ATF7: variants seen among roughly 807,000 people sequenced by gnomAD.
The protein encoded by ATF7 is cyclic AMP-dependent transcription factor ATF-7.
In ATF7, 10 loss-of-function variants were observed where a neutral mutation model predicts 50.4. The observed-to-expected ratio is 0.20, with a 90% CI of 0.12 to 0.34. The LOEUF (loss-of-function observed/expected upper bound fraction) is 0.34. ATF7 is among the 10% of genes least tolerant of loss of function. ATF7 has a pLI of 1.00. For missense variants in ATF7, 465 were observed against 613.9 expected, an observed-to-expected ratio of 0.76 and a Z score of 2.56; for synonymous variants, 201 against 226.4, an observed-to-expected ratio of 0.89 and a Z score of 1.01.
At chr12:53,527,112 T>C (rs555961596) in intron 9 of ATF7, among the ~76,000 whole-genome samples, 37 of 151,784 alleles carry the variant, frequency 2.4e-4, no homozygotes, top group Admixed American at 1.9e-3. Flanking sequence ...TGAGCCGAGA[T>C]TGCGCCACTG....
chr12:53,623,648 A>G (rs1944490639), intron 1 of ATF7, among the ~76,000 whole-genome samples: 1 of 152,170 alleles, frequency 6.6e-6, no homozygotes, highest in Non-Finnish European at 1.5e-5. Flanking sequence ...TGCAAGGAGA[A>G]GGCTCCTCCT....
chr12:53,530,304 G>A (rs963183558), intron 9 of ATF7, among the ~76,000 whole-genome samples: 29 of 152,182 alleles, frequency 1.9e-4, no homozygotes, highest in African/African-American at 7.0e-4. Flanking sequence ...TGATGAAGCA[G>A]GTGGTGACAT....
intron 1 of ATF7, among the ~76,000 whole-genome samples, chr12:53,607,160 C>A (rs1943652044): frequency 6.6e-6 from 1 of 152,158 alleles, no homozygotes; most frequent in African/African-American, 2.4e-5. Flanking sequence ...AATGGTTGAA[C>A]TAGTTTACAG....
At chr12:53,568,551 G>A (rs1421099253) in intron 2 of ATF7, among the ~76,000 whole-genome samples, 1 of 152,126 alleles carries the variant, frequency 6.6e-6, no homozygotes, top group African/African-American at 2.4e-5. Context: ...TAAAGAAATA[G>A]GCAACGATAA....
intron 6 of ATF7, among the ~76,000 whole-genome samples, chr12:53,533,572 T>C (rs992790295): frequency 6.6e-6 from 1 of 152,210 alleles, no homozygotes; most frequent in African/African-American, 2.4e-5. Flanking sequence ...AAGGGGAAGT[T>C]GGATCAAAGT....
At chr12:53,545,778 G>A (rs541582253) in intron 3 of ATF7, among the ~76,000 whole-genome samples, 59 of 152,304 alleles carry the variant, frequency 3.9e-4, no homozygotes, top group African/African-American at 1.3e-3. Flanking sequence ...CTCTTAGGCT[G>A]GGGCAGTGGC....
At chr12:53,620,305 G>A (rs563661611) in intron 1 of ATF7, among the ~76,000 whole-genome samples, 5 of 152,090 alleles carry the variant, frequency 3.3e-5, no homozygotes, top group Admixed American at 6.6e-5. Context: ...GGCCGGGCGC[G>A]GTGGCTCACG....
chr12:53,589,924 TTTTTTA>T (rs1365527706), intron 2 of ATF7, among the ~76,000 whole-genome samples: 12 of 152,316 alleles, frequency 7.9e-5, no homozygotes, highest in Middle Eastern at 3.4e-3. Context: ...AGTAGTTTCT[TTTTTTA>T]TTTTTATTTT....
At chr12:53,557,366 C>A (rs745954902) in intron 2 of ATF7, among the ~76,000 whole-genome samples, 2 of 151,522 alleles carry the variant, frequency 1.3e-5, no homozygotes, top group Non-Finnish European at 2.9e-5. Flanking sequence ...CATGTTCAGG[C>A]AATTTTTGTA....
intron 11 of ATF7, among the ~76,000 whole-genome samples, chr12:53,520,086 G>C (rs1938021475): frequency 6.6e-6 from 1 of 151,924 alleles, no homozygotes; most frequent in Admixed American, 6.6e-5. Context: ...TTTTTATTTT[G>C]ATTTACAGAA....
intron 9 of ATF7, among the ~76,000 whole-genome samples, chr12:53,527,594 G>A (rs1174211435): frequency 2.6e-5 from 4 of 152,114 alleles, no homozygotes; most frequent in South Asian, 4.1e-4. Flanking sequence ...GACTAGCCTG[G>A]CCAACATGGT....
chr12:53,587,384 G>GA (rs1942739463), intron 2 of ATF7, among the ~76,000 whole-genome samples: 1 of 83,304 alleles, frequency 1.2e-5, no homozygotes, highest in African/African-American at 4.0e-5. Flanking sequence ...AAAAAAAAAA[G>GA]AAGGAAAACG....
intron 2 of ATF7, among the ~76,000 whole-genome samples, chr12:53,564,212 T>C (rs530911105): frequency 3.3e-5 from 5 of 152,140 alleles, no homozygotes; most frequent in Non-Finnish European, 7.3e-5. Context: ...CTGTCTCTAC[T>C]AAAAATATAA....
chr12:53,615,842 C>A (rs887007037), intron 1 of ATF7, among the ~76,000 whole-genome samples: 1 of 152,088 alleles, frequency 6.6e-6, no homozygotes, highest in South Asian at 2.1e-4. Flanking sequence ...GAGTTATGAT[C>A]ACGCCACTGC....
chr12:53,597,822 A>T (rs901125748), intron 2 of ATF7, among the ~76,000 whole-genome samples: 7 of 151,842 alleles, frequency 4.6e-5, no homozygotes, highest in African/African-American at 1.7e-4. Context: ...AAAAAAAAAA[A>T]AAAATAGTAT....
intron 2 of ATF7, among the ~76,000 whole-genome samples, chr12:53,557,828 AAC>A (rs1430938248): frequency 6.6e-6 from 1 of 152,210 alleles, no homozygotes; most frequent in African/African-American, 2.4e-5. Flanking sequence ...TGAAAATCAA[AAC>A]ACACACTGGA....
chr12:53,519,638 G>A (rs1422242277), intron 11 of ATF7, among the ~76,000 whole-genome samples: 1 of 152,110 alleles, frequency 6.6e-6, no homozygotes, highest in Non-Finnish European at 1.5e-5. Flanking sequence ...GTAGTTTAAT[G>A]GATTAACTAT....
intron 2 of ATF7, among the ~76,000 whole-genome samples, chr12:53,565,810 G>A (rs1273828021): frequency 6.6e-6 from 1 of 151,992 alleles, no homozygotes; most frequent in Admixed American, 6.6e-5. Flanking sequence ...CTTTTTAATA[G>A]TACTCTCTTA....
At chr12:53,526,786 G>T (rs1938497181) in intron 9 of ATF7, among the ~76,000 whole-genome samples, 1 of 152,186 alleles carries the variant, frequency 6.6e-6, no homozygotes, top group Non-Finnish European at 1.5e-5. Context: ...GGCAGGGGGA[G>T]GTTGCAGTGA....
Sources: gnomAD v4.1 joint callset for allele counts (sites outside exome capture counted in the v4.1 genomes callset) on GRCh38, gnomAD v4.1.1 for gene constraint, MANE v1.5 for transcripts, NCBI Gene and HGNC (gene_info 2026-07-23, HGNC 2026-07-21) for gene names.